Variants in TANGO6 observed in about 807,000 individuals in gnomAD.
TANGO6 encodes transport and Golgi organization protein 6 homolog.
TANGO6 carries 90 observed loss-of-function variants against 114.2 expected under a neutral mutation model. That is an observed-to-expected ratio of 0.79 (90% CI 0.66 to 0.94). The LOEUF (loss-of-function observed/expected upper bound fraction) is 0.94, where lower values mean the gene tolerates loss of function less well. Ranked by LOEUF, TANGO6 falls within the 40% of genes least tolerant of loss-of-function variation. TANGO6 has a pLI of 0.00. For missense variants in TANGO6, 1,274 were observed against 1,315.3 expected (o/e 0.97, Z 0.49); for synonymous variants, 477 against 509.8 (o/e 0.94, Z 0.87).
chr16:68,868,124 A>T (rs2152162630), intron 4 of TANGO6: 1 of 151,796 alleles, frequency 6.6e-6, no homozygotes, highest in Admixed American at 6.6e-5. Context: ...AGCCTGGACA[A>T]AAAAAGCAAG....
intron 15 of TANGO6, among the ~76,000 whole-genome samples, chr16:68,986,649 T>C (rs1963894132): frequency 6.6e-6 from 1 of 152,132 alleles, no homozygotes; most frequent in South Asian, 2.1e-4. Context: ...CTCACACCTG[T>C]AATCCCAGCA....
intron 7 of TANGO6, among the ~76,000 whole-genome samples, chr16:68,889,993 C>T (rs1001415005): frequency 2.6e-5 from 4 of 152,198 alleles, no homozygotes; most frequent in African/African-American, 9.7e-5. Flanking sequence ...CTTTTTTCCT[C>T]TCACAAGTCT....
chr16:68,909,548 C>G (rs1962896651), intron 11 of TANGO6, 146 bp downstream of exon 11: 2 of 658,724 alleles, frequency 3.0e-6, no homozygotes, highest in Admixed American at 4.3e-5. Flanking sequence ...CTACACAGCC[C>G]ACACCAGGCC....
At chr16:68,985,610 G>C (rs185945425) in intron 15 of TANGO6, among the ~76,000 whole-genome samples, 4 of 152,268 alleles carry the variant, frequency 2.6e-5, no homozygotes, top group Non-Finnish European at 5.9e-5. Flanking sequence ...CTACTCAGGA[G>C]GCTGAGGTGG....
At chr16:68,851,828 T>C (rs1961907275) in intron 1 of TANGO6, among the ~76,000 whole-genome samples, 1 of 152,212 alleles carries the variant, frequency 6.6e-6, no homozygotes, top group Non-Finnish European at 1.5e-5. Context: ...CTACAGAATG[T>C]GTTATAAAAC....
chr16:69,042,156 T>C (rs1295197569), intron 17 of TANGO6, among the ~76,000 whole-genome samples: 1 of 152,150 alleles, frequency 6.6e-6, no homozygotes, highest in African/African-American at 2.4e-5. Context: ...CTGAATGAAA[T>C]TGAATTTTAG....
intron 15 of TANGO6, among the ~76,000 whole-genome samples, chr16:69,003,984 C>T (rs978809697): frequency 5.9e-5 from 9 of 151,786 alleles, no homozygotes; most frequent in African/African-American, 2.2e-4. Context: ...TTAAACCCCA[C>T]TTTAAATAAC....
rs1167345362 is a variant in TANGO6 at position 68,860,379 on chromosome 16, C to G, written c.590C>G (p.Thr197Ser). The change falls in exon 2 of 18, where the codon ACC becomes AGC. Residue 197 changes from threonine to serine, a missense_variant. By Grantham distance (58) the Thr-to-Ser change is moderately conservative. Coordinates refer to ENST00000261778, the MANE Select transcript of TANGO6 (RefSeq NM_024562.2). ...AAPDATRRLYTSCKALLNVAQ... is the reference protein window; with the variant it reads ...AAPDATRRLYSSCKALLNVAQ... ...CCCGATGCAACTCGAAGACTGTACA[C>G]CAGCTGCAAGGCCCTTCTGAATGTT... 1 of 1,613,876 alleles carries G rather than the reference C, an allele frequency of 6.2e-7. No individual in the cohort carries two copies. The highest frequency in any genetic ancestry group is 8.5e-7 in the Non-Finnish European group (1 of 1,179,902).
chr16:69,071,206 G>A (rs1189306961), intron 17 of TANGO6, among the ~76,000 whole-genome samples: 1 of 152,084 alleles, frequency 6.6e-6, no homozygotes, highest in Admixed American at 6.6e-5. Context: ...TAGAAGTTAG[G>A]AATGCCTAAC....
At chr16:69,083,398 T>G (rs1960494079) in intron 17 of TANGO6, 87 bp from the exon 18 acceptor site, 1 of 1,436,710 alleles carries the variant, frequency 7.0e-7, no homozygotes, top group Admixed American at 2.4e-5. Flanking sequence ...CTCACAGATC[T>G]CCTCAGGCAG....
At chr16:68,961,484 A>T (rs769699161) in intron 14 of TANGO6, among the ~76,000 whole-genome samples, 20 of 152,238 alleles carry the variant, frequency 1.3e-4, no homozygotes, top group Non-Finnish European at 2.6e-4. Flanking sequence ...TTAATGGATG[A>T]ATGCATGTAA....
intron 15 of TANGO6, among the ~76,000 whole-genome samples, chr16:68,996,328 T>A (rs1567555497): frequency 6.6e-6 from 1 of 152,232 alleles, no homozygotes; most frequent in East Asian, 1.9e-4. Flanking sequence ...TCTAATTTCC[T>A]TTGGACCTTG....
rs113148462 is a variant in TANGO6, at chr16:68,892,951, G to C, written c.1378-7483G>C. On this transcript the variant is annotated intron_variant, in intron 7 of 17. Coordinates refer to ENST00000261778, the MANE Select transcript of TANGO6 (RefSeq NM_024562.2). ...CCCATATCTTGGTATTTTGTTTGGG[G>C]ATCCCTAGTTGTGGAAATACCTAGA... 3.7e-3 allele frequency among the ~76,000 whole-genome samples: 565 copies of C among 152,216 alleles called. 3 individuals carry two copies. The highest frequency in any genetic ancestry group is 0.014 in the Middle Eastern group (4 of 294).
At chr16:69,058,299 C>A (rs1960064050) in intron 17 of TANGO6, among the ~76,000 whole-genome samples, 1 of 152,166 alleles carries the variant, frequency 6.6e-6, no homozygotes, top group Non-Finnish European at 1.5e-5. Context: ...ATTCCATGTC[C>A]TCCAAGGTTT....
chr16:68,885,737 A>G (rs1220846446), intron 7 of TANGO6: 2 of 152,272 alleles, frequency 1.3e-5, no homozygotes, highest in East Asian at 3.8e-4. Flanking sequence ...CTTATTGCCA[A>G]AAAGTATGCC....
In TANGO6 at chr16:69,022,843, A is replaced by G. The variant is rs1049505580; in HGVS notation, c.2858A>G (p.Lys953Arg). ...TTTCCTATAGGAGACATGGTCTCAA[A>G]GTACCGAGAACCTTTGATCCATACC... ...IVRALGDMVSKYREPLIHTFL... is the reference protein window; with the variant it reads ...IVRALGDMVSRYREPLIHTFL... Residue 953 changes from lysine (K) to arginine (R), a missense_variant, in exon 16 of 18, where the codon AAG becomes AGG. Physicochemically the swap from Lys to Arg is conservative, Grantham distance 26. Around this residue, in one of 5 missense-constraint regions of TANGO6, gnomAD observed 238 missense variants for 252.9 expected, o/e 0.94. Coordinates refer to ENST00000261778, the MANE Select transcript of TANGO6 (RefSeq NM_024562.2). 6.3e-7 allele frequency: 1 copy of G among 1,582,904 alleles called. No homozygotes were observed. The highest frequency in any genetic ancestry group is 8.6e-7 in the Non-Finnish European group (1 of 1,163,660).
At chr16:68,907,116 T>A (rs1962862165) in intron 9 of TANGO6, among the ~76,000 whole-genome samples, 1 of 148,734 alleles carries the variant, frequency 6.7e-6, no homozygotes, top group African/African-American at 2.5e-5. Flanking sequence ...TTTTTTTTTT[T>A]TTTTGTATTT....
chr16:68,848,598 A>G (rs1405938463), intron 1 of TANGO6, among the ~76,000 whole-genome samples: 2 of 152,146 alleles, frequency 1.3e-5, no homozygotes, highest in Non-Finnish European at 2.9e-5. Flanking sequence ...GATCACCACT[A>G]TTAAAACCTC....
chr16:68,904,823 G>A (rs571665651), intron 9 of TANGO6, among the ~76,000 whole-genome samples: 1 of 152,136 alleles, frequency 6.6e-6, no homozygotes, highest in Non-Finnish European at 1.5e-5. Context: ...CTTGAGCTGG[G>A]TATGGTGGTT....
Sources: gnomAD v4.1 joint callset for allele counts (sites outside exome capture counted in the v4.1 genomes callset) on GRCh38, gnomAD v4.1.1 for gene constraint, gnomAD v4.1.1 regional missense constraint, MANE v1.5 for transcripts, NCBI Gene and HGNC (gene_info 2026-07-23, HGNC 2026-07-21) for gene names.